The following PBRM1 variants were observed in gnomAD, a reference collection of about 807,000 sequenced individuals.
PBRM1 encodes the protein polybromo 1.
A neutral mutation model predicts 194.5 loss-of-function variants in PBRM1; 27 were observed. That is an observed-to-expected ratio of 0.14 (90% CI 0.10 to 0.19). PBRM1 has a LOEUF of 0.19. Ranked by LOEUF, PBRM1 falls within the 10% of genes least tolerant of loss-of-function variation. The pLI is 1.00. For missense variants in PBRM1, 1,466 were observed against 2,077.2 expected (o/e 0.71, Z 5.72); for synonymous variants, 655 against 693.2 (o/e 0.94, Z 0.87).
chr3:52,548,337 ATATT>A (rs1372076119), intron 29 of PBRM1, 102 bp from the exon 32 acceptor site: 6 of 672,284 alleles, frequency 8.9e-6, no homozygotes, highest in South Asian at 8.1e-5. Context: ...AAAACATTGA[ATATT>A]TATTAAATAT....
intron 17 of PBRM1, among the ~76,000 whole-genome samples, chr3:52,597,983 C>T (rs1000477111): frequency 1.1e-4 from 16 of 152,130 alleles, no homozygotes; most frequent in African/African-American, 3.4e-4. Flanking sequence ...GGATTACAGG[C>T]GTGAGCCACT....
At chr3:52,676,782 A>T (rs938673770) in intron 2 of PBRM1, among the ~76,000 whole-genome samples, 6 of 152,218 alleles carry the variant, frequency 3.9e-5, no homozygotes, top group South Asian at 2.1e-4. Context: ...TTTGACCAAA[A>T]GCCTGATAAC....
rs1167709937 is a variant in PBRM1 at position 52,597,085 on chromosome 3, G to A, written c.2779+6436C>T. Among the ~76,000 whole-genome samples the A allele has an allele frequency of 2.6e-5, 4 of 152,312 alleles. No individual in the cohort carries two copies. The East Asian group carries it at 5.8e-4, about 22-fold the overall frequency. On this transcript the variant is annotated intron_variant, in intron 17 of 29. Coordinates refer to ENST00000296302, the Ensembl canonical transcript of PBRM1. ...AATGTTTCCTCTGTGGGCATCGGCT[G>A]AGTTCCAATGCAAATCCCTCAATCA...
chr3:52,577,504 T>C (rs2089985655), intron 21 of PBRM1, among the ~76,000 whole-genome samples: 1 of 151,834 alleles, frequency 6.6e-6, no homozygotes, highest in East Asian at 1.9e-4. Flanking sequence ...GCCATTATTC[T>C]TGACAACTAA....
intron 7 of PBRM1, among the ~76,000 whole-genome samples, chr3:52,645,660 T>C (rs2096270264): frequency 6.6e-6 from 1 of 152,216 alleles, no homozygotes; most frequent in Non-Finnish European, 1.5e-5. Context: ...AGCACTGTGA[T>C]ACCACAGCAG....
At chr3:52,634,454 AAAGGTAATGAAC>A in intron 11 of PBRM1, 136 bp downstream of exon 12, 1 of 578,794 alleles carries the variant, frequency 1.7e-6, no homozygotes, top group Non-Finnish European at 3.0e-6. Context: ...AAAAAAAAAA[AAAGGTAATGAAC>A]AGTTAAAATT....
At chr3:52,578,782 G>C (rs2090345701) in intron 21 of PBRM1, among the ~76,000 whole-genome samples, 1 of 152,206 alleles carries the variant, frequency 6.6e-6, no homozygotes, top group South Asian at 2.1e-4. Context: ...TTTTAAGAAA[G>C]TGTCACTTCA....
intron 11 of PBRM1, among the ~76,000 whole-genome samples, chr3:52,633,137 C>T (rs1216852183): frequency 1.3e-5 from 2 of 152,086 alleles, no homozygotes; most frequent in Admixed American, 6.6e-5. Flanking sequence ...ACAGTAACTT[C>T]CTGTTTCCCT....
At chr3:52,562,252 G>A (rs1208160230) in intron 24 of PBRM1, among the ~76,000 whole-genome samples, 4 of 151,418 alleles carry the variant, frequency 2.6e-5, no homozygotes, top group Admixed American at 6.6e-5. Context: ...GCGTGAACCC[G>A]GGAGACGGAG....
intron 25 of PBRM1, 28 bp from the exon 28 acceptor site, chr3:52,558,441 C>T: frequency 6.7e-7 from 1 of 1,499,732 alleles, no homozygotes; most frequent in Non-Finnish European, 8.9e-7. Context: ...ATTTTCAATT[C>T]TGTTTTTAAC....
At chr3:52,684,232 A>T (rs889373956), upstream of PBRM1, among the ~76,000 whole-genome samples, 7 of 150,866 alleles carry the variant, frequency 4.6e-5, no homozygotes, top group Non-Finnish European at 1.0e-4. Flanking sequence ...TTGTCTTTCC[A>T]TGAAGAGGAA....
chr3:52,575,766 G>A (rs1427082525), intron 22 of PBRM1, among the ~76,000 whole-genome samples: 1 of 148,212 alleles, frequency 6.7e-6, no homozygotes, highest in African/African-American at 2.5e-5. Flanking sequence ...CACCCGCCTC[G>A]GCCTCCCAAA....
In PBRM1 at chr3:52,614,830, C is replaced by CAAA. The variant is rs1238510707; in HGVS notation, c.1924+518_1924+520dup. Among the ~76,000 whole-genome samples the CAAA allele has an allele frequency of 2.0e-5, 3 of 152,172 alleles. No individual in the cohort carries two copies. The South Asian group carries it at 6.2e-4, about 31-fold the overall frequency. ...AAGTGATCTGCCCACCTCAGCCTCT[C>CAAA]AAAGTGTTGGGATTACAGGCATGAG... On this transcript the variant is annotated intron_variant, in intron 15 of 29. Transcript: ENST00000296302.
At position 52,586,694 on chromosome 3, in the gene PBRM1, G is replaced by A. The variant is rs370695285; in HGVS notation, c.3124-6C>T. Reference sequence around the variant, plus strand: ...GGGCATAACTTAAAGTATTCCTGGGGGGTGGGGAGGGCATAAGAATAAAAC... The same window carrying A: ...GGGCATAACTTAAAGTATTCCTGGGAGGTGGGGAGGGCATAAGAATAAAAC... On this transcript the variant is annotated splice_polypyrimidine_tract_variant and splice_region_variant and intron_variant, in intron 19 of 29. Transcript: ENST00000296302. The A allele has an allele frequency of 1.9e-6, 3 of 1,586,310 alleles. No homozygotes were observed. The highest frequency in any genetic ancestry group is 2.6e-6 in the Non-Finnish European group (3 of 1,159,788).
chr3:52,568,533 A>G (rs1195221621), intron 22 of PBRM1, among the ~76,000 whole-genome samples: 1 of 152,140 alleles, frequency 6.6e-6, no homozygotes, highest in African/African-American at 2.4e-5. Context: ...TATGTCAGAG[A>G]TTAACAAAAT....
At chr3:52,601,689 A>T (rs1415932613) in intron 17 of PBRM1, among the ~76,000 whole-genome samples, 1 of 152,064 alleles carries the variant, frequency 6.6e-6, no homozygotes, top group Non-Finnish European at 1.5e-5. Context: ...AGTGGTGTAT[A>T]CTGGCACTGG....
chr3:52,588,455 A>G (rs998412436), intron 18 of PBRM1, among the ~76,000 whole-genome samples: 1 of 151,908 alleles, frequency 6.6e-6, no homozygotes, highest in African/African-American at 2.4e-5. Context: ...TTCTGAATCT[A>G]TGTCACTCTA....
intron 17 of PBRM1, among the ~76,000 whole-genome samples, chr3:52,596,651 G>A (rs1334426944): frequency 6.6e-6 from 1 of 151,890 alleles, no homozygotes; most frequent in Non-Finnish European, 1.5e-5. Context: ...GGGAGCTAGG[G>A]CCTGGAATGG....
At chr3:52,683,418 C>T (rs1420800257), upstream of PBRM1, among the ~76,000 whole-genome samples, 1 of 151,422 alleles carries the variant, frequency 6.6e-6, no homozygotes, top group Non-Finnish European at 1.5e-5. Flanking sequence ...TCTGCATGTT[C>T]CCCAGGCACA....
Sources: gnomAD v4.1 joint callset for allele counts (sites outside exome capture counted in the v4.1 genomes callset) on GRCh38, gnomAD v4.1.1 for gene constraint, MANE v1.5 for transcripts, NCBI Gene and HGNC (gene_info 2026-07-23, HGNC 2026-07-21) for gene names.